Variants in SLC12A4 observed in about 807,000 individuals in gnomAD.
The protein encoded by SLC12A4 is electroneutral potassium-chloride cotransporter 1.
In SLC12A4, 84 loss-of-function variants were observed where a neutral mutation model predicts 119.2. The ratio of observed to expected loss-of-function variants is 0.70; its 90% confidence interval spans 0.59 to 0.85. The LOEUF is 0.85. SLC12A4 is among the 40% of genes least tolerant of loss of function. SLC12A4 has a pLI of 0.00. For missense variants in SLC12A4, 1,298 were observed against 1,476.3 expected (o/e 0.88, Z 1.98); for synonymous variants, 599 against 604.6 (o/e 0.99, Z 0.14).
At chr16:67,947,287 C>T (rs752741232) in intron 16 of SLC12A4, 44 bp downstream of exon 16, 1 of 1,587,922 alleles carries the variant, frequency 6.3e-7, no homozygotes, top group Non-Finnish European at 8.6e-7. Context: ...GACAGCGACC[C>T]CTAAGAACCT....
At chr16:67,957,050 G>T (rs1392938815) in intron 5 of SLC12A4, among the ~76,000 whole-genome samples, 3 of 151,908 alleles carry the variant, frequency 2.0e-5, no homozygotes, top group Non-Finnish European at 4.4e-5. Flanking sequence ...ACCCAAGCTG[G>T]AGTGCAGTGG....
chr16:67,965,458 C>T (rs1284847045), intron 1 of SLC12A4, among the ~76,000 whole-genome samples: 1 of 152,228 alleles, frequency 6.6e-6, no homozygotes, highest in East Asian at 1.9e-4. Context: ...CCATCTGTCT[C>T]ACCTGAGTGC....
In SLC12A4 at chr16:67,949,906, C is replaced by G; in HGVS notation, c.1642G>C (p.Gly548Arg). The G allele has an allele frequency of 2.5e-6, 4 of 1,611,856 alleles. No homozygotes were observed. The highest frequency in any genetic ancestry group is 3.4e-6 in the Non-Finnish European group (4 of 1,178,626). ...IIPFLRVFGH[G>R]KVNGEPTWAL... ...CATGTGGGTTCACCATTCACCTTCC[C>G]GTGGCCAAACACCTGTGTGCACCAG... Residue 548 changes from glycine (G) to arginine (R), a missense_variant, in exon 13 of 24, where the codon GGG becomes CGG. Transcript: ENST00000316341. The surrounding 1 kb of genome is among the most constrained non-coding windows in gnomAD (Gnocchi z 4.6).
At chr16:67,965,621 A>G (rs1454165248) in intron 1 of SLC12A4, among the ~76,000 whole-genome samples, 1 of 152,216 alleles carries the variant, frequency 6.6e-6, no homozygotes, top group Non-Finnish European at 1.5e-5. Flanking sequence ...AGCCTGCCCC[A>G]TCACTGTTGC....
Position 67,950,192 on chromosome 16 carries a change from T to C in SLC12A4, c.1629+127A>G, listed in dbSNP as rs2058397492. On this transcript the variant is annotated intron_variant, in intron 12 of 23. Coordinates refer to ENST00000316341, the MANE Select transcript of SLC12A4 (RefSeq NM_005072.5). This position sits in a 1 kb window ranked among gnomAD's most constrained non-coding sequence, Gnocchi z 4.3. ...CAGGGCACTTCTCAGTAGCTCCTCA[T>C]GGATGGCCGCCTGGCCCCGGGGGCC... 1 of 1,180,976 alleles carries C rather than the reference T, an allele frequency of 8.5e-7. No homozygotes were observed. The highest frequency in any genetic ancestry group is 1.5e-5 in the African/African-American group (1 of 65,260). The allele number at this position is 1,180,976 out of a possible 1,614,324, so 73.2% of individuals were successfully genotyped here. A position where few individuals can be genotyped will look rare whatever the true frequency, so the allele number is the denominator to read the frequency against.
In SLC12A4 at chr16:67,968,422, T is replaced by C; in HGVS notation, c.115+17A>G. On this transcript the variant is annotated intron_variant, in intron 1 of 23. Coordinates refer to ENST00000316341, the MANE Select transcript of SLC12A4 (RefSeq NM_005072.5). Reference sequence around the variant, plus strand: ...GGCCCCGCTGCCCCGCCACGGCCCCTCAGAACGCGCCCTCACCGTCCGAGT... The same window carrying C: ...GGCCCCGCTGCCCCGCCACGGCCCCCCAGAACGCGCCCTCACCGTCCGAGT... 6.4e-7 allele frequency: 1 copy of C among 1,558,002 alleles called. No homozygotes were observed. The highest frequency in any genetic ancestry group is 1.2e-5 in the South Asian group (1 of 86,808).
chr16:67,966,921 C>T (rs985138607), intron 1 of SLC12A4: 1 of 1,445,028 alleles, frequency 6.9e-7, no homozygotes, highest in South Asian at 1.4e-5. Context: ...CTGTAGGGGC[C>T]AAGGCGTGGC....
chr16:67,957,388 C>G, intron 5 of SLC12A4: 15 of 234,696 alleles, frequency 6.4e-5, no homozygotes, highest in South Asian at 3.1e-4. Context: ...CCAGGATGGT[C>G]TCGATCTCCT....
chr16:67,957,460 C>T (rs968004070), intron 5 of SLC12A4: 79 of 397,878 alleles, frequency 2.0e-4, no homozygotes, highest in Admixed American at 8.0e-5. Flanking sequence ...TGAGCCACCG[C>T]GCCTGGCCTT....
rs373359705 is a variant in SLC12A4 at position 67,946,535 on chromosome 16, G to A, written c.2340C>T (p.Ser780=). 1 of 1,611,438 alleles carries A rather than the reference G, an allele frequency of 6.2e-7. No homozygotes were observed. The highest frequency in any genetic ancestry group is 8.5e-7 in the Non-Finnish European group (1 of 1,180,018). The change falls in exon 18 of 24, where the codon TCC becomes TCT. Residue 780 remains serine (S), a synonymous_variant. Transcript: ENST00000316341. ...TATGCCGCATGCCTCCCAGGCCACAGGACTGGATGAGGTGGGCCAGCCCCT... is the reference window on the plus strand; with the variant it reads ...TATGCCGCATGCCTCCCAGGCCACAAGACTGGATGAGGTGGGCCAGCCCCT... The part of the protein sequence containing the change: ...VREGLAHLIQ[S]CGLGGMRHNS...
intron 5 of SLC12A4, among the ~76,000 whole-genome samples, chr16:67,956,597 T>C (rs2030273968): frequency 6.6e-6 from 1 of 151,678 alleles, no homozygotes; most frequent in Non-Finnish European, 1.5e-5. Context: ...TCACTTAGAA[T>C]TGCTTAAACC....
rs1010314223 is a variant in SLC12A4 at position 67,943,910 on chromosome 16, G to A, written c.*930C>T. ...GGGGCTGGGGCCCAGGCTCCCCAGG[G>A]TCTGGCGTGGTGCATCAGGGGCCTG... On this transcript the variant is annotated 3_prime_UTR_variant, in exon 24 of 24. Coordinates refer to ENST00000316341, the MANE Select transcript of SLC12A4 (RefSeq NM_005072.5). The surrounding 1 kb of genome is among the most constrained non-coding windows in gnomAD (Gnocchi z 4.6). 6.6e-7 allele frequency: 1 copy of A among 1,518,590 alleles called. No homozygotes were observed. The allele number at this position is 1,518,590 out of a possible 1,614,324, so 94.1% of individuals were successfully genotyped here. A position where few individuals can be genotyped will look rare whatever the true frequency, so the allele number is the denominator to read the frequency against.
intron 15 of SLC12A4, 87 bp from the exon 16 acceptor site, chr16:67,947,522 TCAA>T: frequency 9.9e-6 from 15 of 1,510,228 alleles, no homozygotes; most frequent in Non-Finnish European, 1.3e-5. Context: ...GTTCTGCCCC[TCAA>T]GACCACCCAG....
At chr16:67,953,863 T>C (rs973507483) in intron 6 of SLC12A4, among the ~76,000 whole-genome samples, 1 of 152,152 alleles carries the variant, frequency 6.6e-6, no homozygotes, top group African/African-American at 2.4e-5. Context: ...CATACAGATA[T>C]AATGACATGG....
Position 67,949,606 on chromosome 16 carries a change from C to T in SLC12A4, c.1748+194G>A. On this transcript the variant is annotated intron_variant, in intron 13 of 23. Coordinates refer to ENST00000316341, the MANE Select transcript of SLC12A4 (RefSeq NM_005072.5). This position sits in a 1 kb window ranked among gnomAD's most constrained non-coding sequence, Gnocchi z 4.6. ...CTCAGGGAGGTGTGGACATATTGGTCACCTTATAGCTTTGGCATAGGTGCC... is the reference window on the plus strand; with the variant it reads ...CTCAGGGAGGTGTGGACATATTGGTTACCTTATAGCTTTGGCATAGGTGCC... 2.0e-6 allele frequency: 1 copy of T among 509,786 alleles called. No individual in the cohort carries two copies. Among genetic ancestry groups the T allele is most frequent in the South Asian group, 2.6e-5 (1 of 38,806 alleles). 31.6% of individuals were successfully genotyped at this position (509,786 alleles called of 1,614,324 possible). A position where few individuals can be genotyped will look rare whatever the true frequency, so the allele number is the denominator to read the frequency against.
Position 67,961,640 on chromosome 16 carries a change from T to G in SLC12A4, c.277A>C (p.Thr93Pro). The change falls in exon 3 of 24, where the codon ACC becomes CCC. Residue 93 changes from threonine to proline, a missense_variant. Physicochemically the swap from Thr to Pro is conservative, Grantham distance 38 (BLOSUM62 -1). Coordinates refer to ENST00000316341, the MANE Select transcript of SLC12A4 (RefSeq NM_005072.5). ...LGKLVSYTNL[T>P]QGAKEHEEAE... ...TCCTCATGCTCTTTGGCGCCCTGGG[T>G]GAGGTTGGTGTAGCTGACGAGCTTT... 1.2e-6 allele frequency: 2 copies of G among 1,614,000 alleles called. No homozygotes were observed. Among genetic ancestry groups the G allele is most frequent in the Non-Finnish European group, 1.7e-6 (2 of 1,179,940 alleles).
intron 3 of SLC12A4, among the ~76,000 whole-genome samples, chr16:67,960,687 A>T (rs576021322): frequency 2.5e-4 from 38 of 151,466 alleles, no homozygotes; most frequent in Non-Finnish European, 4.0e-4. Context: ...GTGGAGAGGG[A>T]GGGTCCCTAG....
At position 67,951,239 on chromosome 16, in the gene SLC12A4, C is replaced by T; in HGVS notation, c.1198G>A (p.Asp400Asn). Residue 400 changes from aspartate to asparagine, a missense_variant, in exon 9 of 24, where the codon GAT becomes AAT. Coordinates refer to ENST00000316341, the MANE Select transcript of SLC12A4 (RefSeq NM_005072.5). The surrounding 1 kb of genome is among the most constrained non-coding windows in gnomAD (Gnocchi z 5.2). Reference sequence around the variant, plus strand: ...AGGCTCTCCTTCAGGCTCGGGGCATCTGCGGAGGGCAGCCCATGCTTCTCC... The same window carrying T: ...AGGCTCTCCTTCAGGCTCGGGGCATTTGCGGAGGGCAGCCCATGCTTCTCC... ...IVEKHGLPSA[D>N]APSLKESLPL... 6.2e-7 allele frequency: 1 copy of T among 1,614,100 alleles called. No individual in the cohort carries two copies. The highest frequency in any genetic ancestry group is 8.5e-7 in the Non-Finnish European group (1 of 1,179,986).
At chr16:67,945,902 C>A in intron 20 of SLC12A4, 31 bp from the exon 21 acceptor site, 2 of 1,613,320 alleles carry the variant, frequency 1.2e-6, no homozygotes, top group Admixed American at 1.7e-5. Flanking sequence ...GAGGACCCAG[C>A]TGCACGGGAC....
Sources: allele counts gnomAD v4.1 joint callset (sites outside exome capture counted in the v4.1 genomes callset), GRCh38; gene constraint gnomAD v4.1.1; non-coding constraint Gnocchi (gnomAD v3.1); transcripts MANE v1.5; gene names NCBI Gene and HGNC (gene_info 2026-07-23, HGNC 2026-07-21).